The following ZNF385B variants were observed in gnomAD, a reference collection of about 807,000 sequenced individuals.
ZNF385B encodes zinc finger protein 385B.
In ZNF385B, 23 loss-of-function variants were observed where a neutral mutation model predicts 39.2. The observed-to-expected ratio is 0.59, with a 90% CI of 0.42 to 0.83. The LOEUF (loss-of-function observed/expected upper bound fraction) is 0.83. Among genes scored for constraint, ZNF385B ranks in the 40% least tolerant of loss-of-function variants. The pLI, the probability that ZNF385B is intolerant of heterozygous loss-of-function variation, is 0.00. For missense variants in ZNF385B, 552 were observed against 598.9 expected (o/e 0.92, Z 0.82); for synonymous variants, 205 against 222.6 (o/e 0.92, Z 0.70).
chr2:179,765,863 G>C (rs1271576523), intron 3 of ZNF385B, among the ~76,000 whole-genome samples: 1 of 152,110 alleles, frequency 6.6e-6, no homozygotes, highest in Non-Finnish European at 1.5e-5. Context: ...GAAAGCATTA[G>C]GGATCTTTTA....
intron 3 of ZNF385B, among the ~76,000 whole-genome samples, chr2:179,704,409 C>T (rs1325995949): frequency 6.6e-6 from 1 of 152,064 alleles, no homozygotes; most frequent in Non-Finnish European, 1.5e-5. Flanking sequence ...CTTTATTATA[C>T]CTTCTGTGTT....
intron 1 of ZNF385B, among the ~76,000 whole-genome samples, chr2:179,778,079 A>T (rs1704449577): frequency 6.6e-6 from 1 of 152,048 alleles, no homozygotes; most frequent in South Asian, 2.1e-4. Context: ...TTCTTAGTCA[A>T]ATATTGATTT....
intron 3 of ZNF385B, among the ~76,000 whole-genome samples, chr2:179,570,908 C>G (rs1416842595): frequency 1.3e-5 from 2 of 152,018 alleles, no homozygotes; most frequent in African/African-American, 2.4e-5. Flanking sequence ...GCAGGCAAAC[C>G]GAATATCTTT....
chr2:179,685,028 C>CTTA (rs1340317129), intron 3 of ZNF385B, among the ~76,000 whole-genome samples: 1 of 152,104 alleles, frequency 6.6e-6, no homozygotes, highest in Admixed American at 6.5e-5. Flanking sequence ...AATACTCTGC[C>CTTA]TTATACTATA....
chr2:179,443,346 C>T lies in ZNF385B; in HGVS notation c.1365G>A (p.Ser455=), dbSNP rs199951487. The T allele has an allele frequency of 5.3e-5, 86 of 1,612,316 alleles. No individual in the cohort carries two copies. The highest frequency in any genetic ancestry group is 6.6e-5 in the Non-Finnish European group (78 of 1,179,472). ...ALSLPPRPSA[S]LFQAPAIPPA... is the part of the protein sequence containing the mutation. ...GAGGAATGGCTGGAGCCTGGAAGAG[C>T]GAGGCAGAGGGCCGGGGTGGGAGTG... Residue 455 remains serine, a synonymous_variant, in exon 10 of 10, where the codon TCG becomes TCA. Coordinates refer to ENST00000410066, the MANE Select transcript of ZNF385B (RefSeq NM_152520.6).
chr2:179,570,192 C>A (rs1350793026), intron 3 of ZNF385B, among the ~76,000 whole-genome samples: 1 of 152,126 alleles, frequency 6.6e-6, no homozygotes, highest in East Asian at 1.9e-4. Flanking sequence ...GCTGCCCTGA[C>A]CCATCCCAAC....
At chr2:179,735,671 G>A (rs1701698744) in intron 3 of ZNF385B, among the ~76,000 whole-genome samples, 1 of 149,882 alleles carries the variant, frequency 6.7e-6, no homozygotes, top group South Asian at 2.1e-4. Context: ...AGAAAATGTG[G>A]CACATATACA....
intron 4 of ZNF385B, among the ~76,000 whole-genome samples, chr2:179,534,446 G>A (rs2059437104): frequency 6.6e-6 from 1 of 152,066 alleles, no homozygotes; most frequent in Non-Finnish European, 1.5e-5. Flanking sequence ...ATGGGGATAT[G>A]TTATATACTT....
chr2:179,806,272 A>T (rs1482083054), intron 1 of ZNF385B, among the ~76,000 whole-genome samples: 2 of 152,242 alleles, frequency 1.3e-5, no homozygotes, highest in Non-Finnish European at 2.9e-5. Context: ...TATTTGCATA[A>T]GGAAAAACCA....
chr2:179,620,751 T>C (rs943043384), intron 3 of ZNF385B, among the ~76,000 whole-genome samples: 3 of 152,206 alleles, frequency 2.0e-5, no homozygotes, highest in African/African-American at 7.2e-5. Flanking sequence ...ACCAATTATT[T>C]AAGACTTTGT....
At chr2:179,466,075 T>C (rs1216973732) in intron 6 of ZNF385B, among the ~76,000 whole-genome samples, 2 of 152,186 alleles carry the variant, frequency 1.3e-5, no homozygotes, top group African/African-American at 4.8e-5. Flanking sequence ...GACACATAAA[T>C]GCATTTTAGC....
intron 3 of ZNF385B, among the ~76,000 whole-genome samples, chr2:179,586,645 G>T (rs1687098008): frequency 1.3e-5 from 2 of 152,312 alleles, no homozygotes; most frequent in Admixed American, 6.5e-5. Flanking sequence ...TGCCAACTTG[G>T]TTCAAGAAGG....
chr2:179,711,478 T>A (rs186314563), intron 3 of ZNF385B, among the ~76,000 whole-genome samples: 1 of 152,184 alleles, frequency 6.6e-6, no homozygotes, highest in Admixed American at 6.5e-5. Context: ...TGGGGTGGAA[T>A]GTACGGCAGA....
chr2:179,792,713 A>T (rs990618211), intron 1 of ZNF385B, among the ~76,000 whole-genome samples: 2 of 152,200 alleles, frequency 1.3e-5, no homozygotes, highest in Non-Finnish European at 2.9e-5. Context: ...AAACTCTGAA[A>T]CGTGAAAATA....
intron 4 of ZNF385B, among the ~76,000 whole-genome samples, chr2:179,526,510 G>A (rs1385834728): frequency 2.0e-5 from 3 of 151,812 alleles, no homozygotes; most frequent in East Asian, 2.0e-4. Context: ...CAGGAGAATC[G>A]CTTGAACCCA....
At chr2:179,836,427 A>G (rs1357728769) in intron 1 of ZNF385B, among the ~76,000 whole-genome samples, 2 of 152,172 alleles carry the variant, frequency 1.3e-5, no homozygotes, top group Non-Finnish European at 2.9e-5. Context: ...TAAAAATGTA[A>G]AATAAGAGAA....
At chr2:179,751,312 T>G (rs184023974) in intron 3 of ZNF385B, among the ~76,000 whole-genome samples, 7 of 152,172 alleles carry the variant, frequency 4.6e-5, no homozygotes, top group Admixed American at 2.0e-4. Context: ...TCATTAATAA[T>G]AAGTTCCATC....
At chr2:179,455,294 A>C (rs2050562123) in intron 6 of ZNF385B, among the ~76,000 whole-genome samples, 1 of 152,026 alleles carries the variant, frequency 6.6e-6, no homozygotes, top group Non-Finnish European at 1.5e-5. Context: ...GTCCCCACCG[A>C]GATCTCATCT....
chr2:179,588,585 ACT>A (rs1183345416), intron 3 of ZNF385B, among the ~76,000 whole-genome samples: 3 of 150,978 alleles, frequency 2.0e-5, no homozygotes, highest in Admixed American at 2.0e-4. Flanking sequence ...TCCAACTTAG[ACT>A]CTCTCTCCTG....
Sources: gnomAD v4.1 joint callset for allele counts (sites outside exome capture counted in the v4.1 genomes callset) on GRCh38, gnomAD v4.1.1 for gene constraint, MANE v1.5 for transcripts, NCBI Gene and HGNC (gene_info 2026-07-23, HGNC 2026-07-21) for gene names.